Variants in C8orf34 observed in about 807,000 individuals in gnomAD.
C8orf34 encodes the protein uncharacterized protein C8orf34.
C8orf34 carries 65 observed loss-of-function variants against 68.3 expected under a neutral mutation model. The ratio of observed to expected loss-of-function variants is 0.95; its 90% confidence interval spans 0.78 to 1.17. The LOEUF (loss-of-function observed/expected upper bound fraction) is 1.17, where lower values mean the gene tolerates loss of function less well. Ranked by LOEUF, C8orf34 falls within the 50% of genes most tolerant of loss-of-function variation. C8orf34 has a pLI of 0.00. For synonymous variants in C8orf34, 244 were observed against 241.2 expected (o/e 1.01, Z -0.11); for missense variants, 664 against 655.4 (o/e 1.01, Z -0.14).
intron 1 of C8orf34, among the ~76,000 whole-genome samples, chr8:68,375,835 G>C (rs1807769320): frequency 6.6e-6 from 1 of 152,184 alleles, no homozygotes; most frequent in Non-Finnish European, 1.5e-5. Context: ...GATTAGACTT[G>C]AAGACGTAGA....
At chr8:68,670,459 C>T (rs1819973947) in intron 8 of C8orf34, among the ~76,000 whole-genome samples, 1 of 152,170 alleles carries the variant, frequency 6.6e-6, no homozygotes, top group Non-Finnish European at 1.5e-5. Flanking sequence ...ACCTTTCCAT[C>T]TATTCTTTTG....
In C8orf34 at chr8:68,760,737, T is replaced by A. The variant is rs541337417; in HGVS notation, c.1405-15662T>A. 5.3e-5 allele frequency among the ~76,000 whole-genome samples: 8 copies of A among 152,350 alleles called. No individual in the cohort carries two copies. The South Asian group carries it at 1.7e-3, about 32-fold the overall frequency. On this transcript the variant is annotated intron_variant, in intron 10 of 13. Transcript: ENST00000518698. ...CATAATAATTTACACTGAGGTTTAA[T>A]GTAAATAATTTGTTGGGTTGACCCT... is the stretch of plus-strand genomic sequence containing the variant.
intron 4 of C8orf34, among the ~76,000 whole-genome samples, chr8:68,472,384 C>T (rs1033673155): frequency 1.3e-5 from 2 of 152,114 alleles, no homozygotes; most frequent in Non-Finnish European, 2.9e-5. Flanking sequence ...CTGTCTGATT[C>T]TTTACCTTCC....
intron 7 of C8orf34, among the ~76,000 whole-genome samples, chr8:68,603,525 C>CA (rs1563555756): frequency 8.4e-6 from 1 of 119,478 alleles, no homozygotes; most frequent in African/African-American, 2.8e-5. Flanking sequence ...ATACATATAT[C>CA]TATCTATCTA....
intron 7 of C8orf34, among the ~76,000 whole-genome samples, chr8:68,575,954 T>C (rs1486090912): frequency 9.6e-6 from 1 of 104,204 alleles, no homozygotes; most frequent in Non-Finnish European, 1.7e-5. Context: ...TAGTAGATGG[T>C]TGTTTTTTTT....
chr8:68,535,515 GA>G (rs1586337480), intron 7 of C8orf34: 4 of 943,008 alleles, frequency 4.2e-6, no homozygotes, highest in Admixed American at 6.2e-5. Context: ...GATTTGAAGG[GA>G]AAAAATCCTT....
chr8:68,599,828 T>A (rs566189989), intron 7 of C8orf34, among the ~76,000 whole-genome samples: 67 of 151,960 alleles, frequency 4.4e-4, no homozygotes, highest in South Asian at 2.3e-3. Context: ...AATGTCACAT[T>A]TGAAAAGATG....
intron 8 of C8orf34, among the ~76,000 whole-genome samples, chr8:68,647,197 A>T (rs1819202215): frequency 6.6e-6 from 1 of 152,216 alleles, no homozygotes; most frequent in Non-Finnish European, 1.5e-5. Flanking sequence ...AAAAAATGCT[A>T]GTCATCACTA....
chr8:68,628,887 T>C lies in C8orf34; in HGVS notation c.1106-11489T>C, dbSNP rs190587301. On this transcript the variant is annotated intron_variant, in intron 7 of 13. Coordinates refer to ENST00000518698, the MANE Select transcript of C8orf34 (RefSeq NM_052958.4). ...ATTAAATCAAAACACTTTTTTTGTT[T>C]GATTAATTCTTGGTTATTTGCTATT... is the stretch of plus-strand genomic sequence containing the variant. Among the ~76,000 whole-genome samples, 179 of 152,322 alleles carry C rather than the reference T, an allele frequency of 1.2e-3. 2 individuals carry two copies. Among genetic ancestry groups the C allele is most frequent in the African/African-American group, 4.1e-3 (170 of 41,580 alleles).
At position 68,443,720 on chromosome 8, in the gene C8orf34, A is replaced by C. The variant is rs540729994; in HGVS notation, c.476-2609A>C. Among the ~76,000 whole-genome samples the C allele has an allele frequency of 5.9e-5, 9 of 152,148 alleles. No individual in the cohort carries two copies. The East Asian group carries it at 1.7e-3, about 30-fold the overall frequency. On this transcript the variant is annotated intron_variant, in intron 2 of 13. Coordinates refer to ENST00000518698, the MANE Select transcript of C8orf34 (RefSeq NM_052958.4). ...CACACCCAGCCTGGTGCATCTTTTAATTAGCCAGAAAACGTCTCAATATTC... is the reference window on the plus strand; with the variant it reads ...CACACCCAGCCTGGTGCATCTTTTACTTAGCCAGAAAACGTCTCAATATTC...
At chr8:68,484,707 G>C (rs1476214052) in intron 4 of C8orf34, among the ~76,000 whole-genome samples, 1 of 152,058 alleles carries the variant, frequency 6.6e-6, no homozygotes, top group Non-Finnish European at 1.5e-5. Context: ...CAGTATAAAT[G>C]GTTCCCATTA....
intron 1 of C8orf34, among the ~76,000 whole-genome samples, chr8:68,349,386 T>C (rs1806414082): frequency 6.6e-6 from 1 of 152,128 alleles, no homozygotes; most frequent in Non-Finnish European, 1.5e-5. Context: ...AGGTATTTTG[T>C]TGAGAATTTT....
chr8:68,635,971 G>A (rs1027264502), intron 7 of C8orf34, among the ~76,000 whole-genome samples: 2 of 152,140 alleles, frequency 1.3e-5, no homozygotes, highest in African/African-American at 4.8e-5. Context: ...TTATAGAACG[G>A]GAGTTAGCCA....
chr8:68,815,319 C>T (rs189482456), intron 12 of C8orf34, among the ~76,000 whole-genome samples: 1 of 151,976 alleles, frequency 6.6e-6, no homozygotes, highest in East Asian at 1.9e-4. Flanking sequence ...ATGAACCAGA[C>T]AATATAGTGT....
chr8:68,502,572 G>C (rs574541568), intron 5 of C8orf34, among the ~76,000 whole-genome samples: 4 of 152,204 alleles, frequency 2.6e-5, no homozygotes, highest in Non-Finnish European at 5.9e-5. Context: ...GAGGTTAGGG[G>C]ACCAAGTTCT....
chr8:68,581,435 A>C (rs143886613), intron 7 of C8orf34, among the ~76,000 whole-genome samples: 95 of 152,204 alleles, frequency 6.2e-4, no homozygotes, highest in African/African-American at 1.7e-3. Flanking sequence ...GGCCTGCTTC[A>C]GGGGAGAAGA....
intron 7 of C8orf34, among the ~76,000 whole-genome samples, chr8:68,580,931 C>G (rs1310540807): frequency 6.6e-6 from 1 of 151,972 alleles, no homozygotes; most frequent in Non-Finnish European, 1.5e-5. Context: ...GTAGATTACT[C>G]AAGGTTCAGT....
rs187955366 is a variant in C8orf34, at chr8:68,504,725, G to A, written c.765+16674G>A. On this transcript the variant is annotated intron_variant, in intron 5 of 13. Transcript: ENST00000518698. ...GAGACAGTCTTGCTCTGTCGCCGAG[G>A]CTGGAGTGGAGTGGTGTGATCTCAG... Among the ~76,000 whole-genome samples the A allele has an allele frequency of 5.2e-4, 78 of 151,280 alleles. 2 individuals carry two copies. The East Asian group carries it at 0.014, about 28-fold the overall frequency.
intron 8 of C8orf34, among the ~76,000 whole-genome samples, chr8:68,690,463 G>T (rs1469785998): frequency 6.6e-6 from 1 of 151,992 alleles, no homozygotes. Flanking sequence ...ATTTCTTACT[G>T]TTCTGGAGGT....
Sources: gnomAD v4.1 joint callset for allele counts (sites outside exome capture counted in the v4.1 genomes callset) on GRCh38, gnomAD v4.1.1 for gene constraint, MANE v1.5 for transcripts, NCBI Gene and HGNC (gene_info 2026-07-23, HGNC 2026-07-21) for gene names.